The following MAF variants were observed in gnomAD, a reference collection of about 807,000 sequenced individuals.
MAF encodes MAF bZIP transcription factor, also known as transcription factor Maf.
MAF carries 10 observed loss-of-function variants against 22.0 expected under a neutral mutation model. The observed-to-expected ratio is 0.45, with a 90% CI of 0.28 to 0.77. MAF has a LOEUF of 0.77. MAF is among the 30% of genes least tolerant of loss of function. The pLI is 0.12. For missense variants in MAF, 544 were observed against 548.4 expected (o/e 0.99, Z 0.08); for synonymous variants, 337 against 255.8 (o/e 1.32, Z -3.03).
chr16:79,595,161 A>G, intron 1 of MAF: 1 of 1,043,678 alleles, frequency 9.6e-7, no homozygotes, highest in Non-Finnish European at 1.2e-6. Flanking sequence ...TCTGAAGTCA[A>G]GAACACTTGA....
At chr16:79,492,106 G>A in the MAF span, among the ~76,000 whole-genome samples, 1 of 152,136 alleles carries the variant, frequency 6.6e-6, no homozygotes, top group African/African-American at 2.4e-5. Flanking sequence ...ATAAAACAAA[G>A]TGCCTCCATG....
chr16:79,563,746 C>A, the MAF span, among the ~76,000 whole-genome samples: 1 of 149,874 alleles, frequency 6.7e-6, no homozygotes, highest in African/African-American at 2.4e-5. Context: ...AACACACACA[C>A]ACACACACAC....
the MAF span, among the ~76,000 whole-genome samples, chr16:79,237,704 G>T: frequency 1.3e-5 from 2 of 152,126 alleles, no homozygotes; most frequent in East Asian, 1.9e-4. Flanking sequence ...TTTGGGGCTG[G>T]ATCACTCTTT....
At chr16:79,527,907 C>T in the MAF span, among the ~76,000 whole-genome samples, 23 of 152,090 alleles carry the variant, frequency 1.5e-4, no homozygotes, top group Admixed American at 1.4e-3. Flanking sequence ...TTTGGGAGGC[C>T]GGGGTGGGTG....
the MAF span, among the ~76,000 whole-genome samples, chr16:79,540,923 C>G: frequency 2.0e-5 from 3 of 151,914 alleles, no homozygotes; most frequent in East Asian, 5.8e-4. Context: ...ACCATTAATA[C>G]GATTATCACC....
chr16:79,454,202 G>C, the MAF span, among the ~76,000 whole-genome samples: 2,162 of 152,274 alleles, frequency 0.014, 49 homozygotes, highest in African/African-American at 0.049. Context: ...ATTGACCATG[G>C]AGAGGCTGAA....
At chr16:79,502,750 T>TAC in the MAF span, among the ~76,000 whole-genome samples, 1 of 121,072 alleles carries the variant, frequency 8.3e-6, no homozygotes, top group Non-Finnish European at 1.7e-5. Flanking sequence ...TATATATATA[T>TAC]ATATAAAGAC....
At chr16:79,466,603 G>C in the MAF span, among the ~76,000 whole-genome samples, 1 of 152,152 alleles carries the variant, frequency 6.6e-6, no homozygotes, top group African/African-American at 2.4e-5. Context: ...CTACACACCT[G>C]GTGGTCAGCA....
At chr16:79,321,828 T>A in the MAF span, among the ~76,000 whole-genome samples, 3 of 151,954 alleles carry the variant, frequency 2.0e-5, no homozygotes, top group African/African-American at 4.8e-5. Context: ...GTGCTGGGAT[T>A]ACAGGTGTGA....
chr16:79,281,594 G>T, the MAF span, among the ~76,000 whole-genome samples: 3 of 148,624 alleles, frequency 2.0e-5, no homozygotes, highest in Admixed American at 2.0e-4. Flanking sequence ...CTGTCGCCAG[G>T]CTGGAGTGCA....
At chr16:79,350,778 A>G in the MAF span, among the ~76,000 whole-genome samples, 15 of 152,146 alleles carry the variant, frequency 9.9e-5, no homozygotes, top group African/African-American at 3.6e-4. Flanking sequence ...TCCAGCCTTC[A>G]GTGAGCAAGA....
the MAF span, among the ~76,000 whole-genome samples, chr16:79,305,658 G>C: frequency 3.9e-5 from 6 of 152,182 alleles, no homozygotes; most frequent in Admixed American, 2.0e-4. Flanking sequence ...GGGGTCTGTG[G>C]ATAAGACATC....
At chr16:79,424,752 C>T in the MAF span, among the ~76,000 whole-genome samples, 2 of 152,264 alleles carry the variant, frequency 1.3e-5, no homozygotes, top group South Asian at 2.1e-4. Flanking sequence ...ATAACCAACT[C>T]TGTATGGCTG....
chr16:79,557,958 T>C, the MAF span, among the ~76,000 whole-genome samples: 2 of 151,154 alleles, frequency 1.3e-5, no homozygotes, highest in African/African-American at 4.9e-5. Flanking sequence ...GATGGGTGCT[T>C]CAGGGAAGGG....
At chr16:79,513,151 G>A in the MAF span, among the ~76,000 whole-genome samples, 1 of 152,242 alleles carries the variant, frequency 6.6e-6, no homozygotes, top group African/African-American at 2.4e-5. Flanking sequence ...TCACCAGGGT[G>A]GAGGACAGAC....
chr16:79,555,238 T>C, the MAF span, among the ~76,000 whole-genome samples: 1 of 152,184 alleles, frequency 6.6e-6, no homozygotes, highest in Non-Finnish European at 1.5e-5. Context: ...TGCCCTGGGA[T>C]TGCAATTCCC....
chr16:79,595,275 T>C (rs1048903221), intron 1 of MAF: 23 of 1,048,756 alleles, frequency 2.2e-5, no homozygotes, highest in Non-Finnish European at 2.4e-5. Flanking sequence ...AAGGTCAAAA[T>C]GTCGAGGTTA....
At chr16:79,435,805 G>A in the MAF span, among the ~76,000 whole-genome samples, 2 of 152,212 alleles carry the variant, frequency 1.3e-5, no homozygotes, top group African/African-American at 4.8e-5. Flanking sequence ...TCCATACTTC[G>A]TAGCTAAAAA....
the MAF span, among the ~76,000 whole-genome samples, chr16:79,213,235 C>T: frequency 3.3e-5 from 5 of 152,166 alleles, no homozygotes; most frequent in African/African-American, 1.2e-4. Flanking sequence ...CTGATCATGG[C>T]AGCTTCAGGC....
Sources: allele counts gnomAD v4.1 joint callset (sites outside exome capture counted in the v4.1 genomes callset), GRCh38; gene constraint gnomAD v4.1.1; transcripts MANE v1.5; gene names NCBI Gene and HGNC (gene_info 2026-07-23, HGNC 2026-07-21).